ZCCHC17: variants seen among roughly 807,000 people sequenced by gnomAD.
ZCCHC17 encodes zinc finger CCHC domain-containing protein 17.
Under a neutral mutation model 30.6 loss-of-function variants are expected in ZCCHC17, and 18 were observed. The ratio of observed to expected loss-of-function variants is 0.59; its 90% CI spans 0.41 to 0.87. The LOEUF (loss-of-function observed/expected upper bound fraction) is 0.87, where lower values mean the gene tolerates loss of function less well. Ranked by LOEUF, ZCCHC17 falls within the 40% of genes least tolerant of loss-of-function variation. ZCCHC17 has a pLI of 0.00. For missense variants in ZCCHC17, 263 were observed against 284.2 expected (o/e 0.93, Z 0.54); for synonymous variants, 88 against 92.4 (o/e 0.95, Z 0.27).
chr1:31,360,820 A>G (rs1265131367), intron 7 of ZCCHC17, among the ~76,000 whole-genome samples: 1 of 152,222 alleles, frequency 6.6e-6, no homozygotes, highest in African/African-American at 2.4e-5. Context: ...TCTGAGTTGC[A>G]GTTTTTCCAT....
intron 3 of ZCCHC17, among the ~76,000 whole-genome samples, chr1:31,322,196 G>A (rs1646876879): frequency 1.3e-5 from 2 of 152,158 alleles, no homozygotes; most frequent in African/African-American, 4.8e-5. Flanking sequence ...ACATCAACTG[G>A]ATGTCCCAAC....
At chr1:31,314,523 T>G (rs1339207472) in intron 2 of ZCCHC17, among the ~76,000 whole-genome samples, 1 of 151,892 alleles carries the variant, frequency 6.6e-6, no homozygotes, top group Non-Finnish European at 1.5e-5. Flanking sequence ...CCAAAGAAAT[T>G]GTTAACTCTA....
intron 5 of ZCCHC17, among the ~76,000 whole-genome samples, chr1:31,343,125 G>T (rs996364169): frequency 2.6e-5 from 4 of 152,060 alleles, no homozygotes; most frequent in Non-Finnish European, 4.4e-5. Flanking sequence ...ACCCAGGCTG[G>T]AGTACAGTGG....
At chr1:31,313,068 C>CTTTTTTTTT (rs59004055) in intron 2 of ZCCHC17, among the ~76,000 whole-genome samples, 1 of 113,486 alleles carries the variant, frequency 8.8e-6, no homozygotes, top group East Asian at 2.6e-4. Flanking sequence ...CACTGGGCCT[C>CTTTTTTTTT]TTTTTTTTTT....
At chr1:31,307,130 C>T (rs747153966) in intron 1 of ZCCHC17, among the ~76,000 whole-genome samples, 2 of 151,848 alleles carry the variant, frequency 1.3e-5, no homozygotes, top group Non-Finnish European at 2.9e-5. Flanking sequence ...GCCACTGTGC[C>T]TGGCTGATTT....
chr1:31,309,589 GGT>G (rs1338920977), intron 1 of ZCCHC17, among the ~76,000 whole-genome samples: 10 of 152,296 alleles, frequency 6.6e-5, no homozygotes, highest in African/African-American at 2.4e-4. Context: ...TGGGATTACA[GGT>G]GTGAGCCACC....
intron 7 of ZCCHC17, among the ~76,000 whole-genome samples, 154 bp downstream of exon 7, chr1:31,349,128 TGCG>T (rs2148470060): frequency 6.6e-6 from 1 of 152,222 alleles, no homozygotes; most frequent in African/African-American, 2.4e-5. Context: ...AAGGCTGCGG[TGCG>T]CTATGATTAT....
chr1:31,322,775 A>C (rs890520749), intron 3 of ZCCHC17, among the ~76,000 whole-genome samples: 2 of 150,932 alleles, frequency 1.3e-5, no homozygotes, highest in African/African-American at 4.9e-5. Flanking sequence ...AGGCTGGAGT[A>C]CAGTGGTGCA....
chr1:31,343,583 G>A (rs996738080), intron 5 of ZCCHC17, among the ~76,000 whole-genome samples: 1 of 152,032 alleles, frequency 6.6e-6, no homozygotes, highest in African/African-American at 2.4e-5. Context: ...AAGTGACTCT[G>A]TAAATGGAAA....
intron 7 of ZCCHC17, among the ~76,000 whole-genome samples, chr1:31,363,182 C>CTT (rs374893533): frequency 3.8e-4 from 51 of 135,636 alleles, no homozygotes; most frequent in Non-Finnish European, 4.4e-4. Flanking sequence ...ATGTCTTATA[C>CTT]TTTTTTTTTT....
chr1:31,337,715 A>T (rs1638876524), intron 4 of ZCCHC17, among the ~76,000 whole-genome samples: 2 of 152,204 alleles, frequency 1.3e-5, no homozygotes, highest in Admixed American at 1.3e-4. Flanking sequence ...CAATGTGCAG[A>T]AAGTGAAAAA....
At chr1:31,302,192 C>T (rs1418581574) in intron 1 of ZCCHC17, among the ~76,000 whole-genome samples, 2 of 152,026 alleles carry the variant, frequency 1.3e-5, no homozygotes, top group Non-Finnish European at 2.9e-5. Flanking sequence ...CGCACCACTG[C>T]CCTCCAGCCT....
intron 3 of ZCCHC17, among the ~76,000 whole-genome samples, chr1:31,323,962 A>G (rs1203589720): frequency 7.7e-6 from 1 of 130,578 alleles, no homozygotes; most frequent in East Asian, 2.0e-4. Context: ...GACTATGCAG[A>G]TGATTGAAAG....
At chr1:31,306,866 T>C (rs191166037) in intron 1 of ZCCHC17, among the ~76,000 whole-genome samples, 1 of 151,398 alleles carries the variant, frequency 6.6e-6, no homozygotes, top group Admixed American at 6.6e-5. Flanking sequence ...TGAGACGGAG[T>C]CTTGCTCTGT....
chr1:31,341,263 A>G (rs1156653206), intron 5 of ZCCHC17, among the ~76,000 whole-genome samples: 2 of 152,176 alleles, frequency 1.3e-5, no homozygotes, highest in Non-Finnish European at 2.9e-5. Flanking sequence ...ATCTTTTATA[A>G]CTCAGAGTGC....
intron 7 of ZCCHC17, among the ~76,000 whole-genome samples, chr1:31,355,479 A>AT (rs1639611466): frequency 6.6e-6 from 1 of 152,168 alleles, no homozygotes; most frequent in Non-Finnish European, 1.5e-5. Context: ...TTATCCCACC[A>AT]TTTTACACAT....
At chr1:31,297,168 T>G (rs1391204014) in intron 1 of ZCCHC17, 93 bp downstream of exon 1, 1 of 400,450 alleles carries the variant, frequency 2.5e-6, no homozygotes, top group Non-Finnish European at 4.4e-6. Flanking sequence ...CAGCTGAGGG[T>G]GCTGACAGCA....
intron 4 of ZCCHC17, among the ~76,000 whole-genome samples, chr1:31,338,678 T>A (rs560359270): frequency 2.6e-5 from 4 of 152,356 alleles, no homozygotes; most frequent in African/African-American, 9.6e-5. Flanking sequence ...AGAAAAACTT[T>A]TATTTTCTGC....
At chr1:31,328,997 C>A (rs1424965833) in intron 3 of ZCCHC17, among the ~76,000 whole-genome samples, 1 of 152,134 alleles carries the variant, frequency 6.6e-6, no homozygotes, top group Non-Finnish European at 1.5e-5. Flanking sequence ...TGGCAAGATC[C>A]TGTCTCAAAA....
Sources: allele counts gnomAD v4.1 joint callset (sites outside exome capture counted in the v4.1 genomes callset), GRCh38; gene constraint gnomAD v4.1.1; transcripts MANE v1.5; gene names NCBI Gene and HGNC (gene_info 2026-07-23, HGNC 2026-07-21).